IGF1R: variants seen among roughly 807,000 people sequenced by gnomAD.
IGF1R encodes insulin-like growth factor 1 receptor.
In IGF1R, 44 loss-of-function variants were observed where a neutral mutation model predicts 144.6. The observed-to-expected ratio is 0.30, with a 90% CI of 0.24 to 0.39. IGF1R has a LOEUF of 0.39. IGF1R is among the 10% of genes least tolerant of loss of function. The pLI is 1.00. For missense variants in IGF1R, 1,355 were observed against 1,833.7 expected (o/e 0.74, Z 4.77); for synonymous variants, 795 against 722.8 (o/e 1.10, Z -1.60).
intron 9 of IGF1R, 55 bp downstream of exon 9, chr15:98,916,186 G>C: frequency 3.9e-6 from 6 of 1,548,012 alleles, no homozygotes; most frequent in Non-Finnish European, 5.3e-6. Context: ...TCCTGTGGTT[G>C]TAATGTGCCT....
rs576878159 is a variant in IGF1R at position 98,950,563 on chromosome 15, C to T, written c.3722+1855C>T. On this transcript the variant is annotated intron_variant, in intron 20 of 20. Transcript: ENST00000650285. ...CTTGGAGGCCAAGGCCACTCACAGT[C>T]CTTGCCATATACAGCCTCCATAGGC... 3.9e-5 allele frequency among the ~76,000 whole-genome samples: 6 copies of T among 152,352 alleles called. No individual in the cohort carries two copies. In the East Asian group the frequency reaches 1.2e-3, roughly 29 times the overall value.
chr15:98,776,228 A>G (rs2055711435), intron 2 of IGF1R, among the ~76,000 whole-genome samples: 1 of 151,322 alleles, frequency 6.6e-6, no homozygotes, highest in Non-Finnish European at 1.5e-5. Context: ...TCTGTCGCCC[A>G]GGCTGGAGTG....
chr15:98,651,136 C>A, intron 1 of IGF1R: 1 of 874,094 alleles, frequency 1.1e-6, no homozygotes, highest in Non-Finnish European at 1.4e-6. Context: ...TTGAAAAAAT[C>A]ACGACTGAGC....
intron 2 of IGF1R, among the ~76,000 whole-genome samples, chr15:98,732,343 A>C (rs984754884): frequency 3.3e-4 from 50 of 152,216 alleles, no homozygotes; most frequent in African/African-American, 1.2e-3. Context: ...ATTCAGGCAG[A>C]TGTCCTCTAA....
intron 2 of IGF1R, among the ~76,000 whole-genome samples, chr15:98,792,991 T>C (rs911002807): frequency 6.6e-6 from 1 of 152,230 alleles, no homozygotes; most frequent in Non-Finnish European, 1.5e-5. Flanking sequence ...TTGTTTTTTT[T>C]CTTCCTCCTG....
chr15:98,903,920 G>A (rs1329852888), intron 5 of IGF1R, among the ~76,000 whole-genome samples: 1 of 152,202 alleles, frequency 6.6e-6, no homozygotes, highest in Non-Finnish European at 1.5e-5. Context: ...ATGGCTGCAA[G>A]GAAGAGGTGG....
intron 1 of IGF1R, among the ~76,000 whole-genome samples, chr15:98,668,775 T>G (rs1054450239): frequency 4.7e-5 from 7 of 150,080 alleles, no homozygotes; most frequent in African/African-American, 1.7e-4. Context: ...ATGTGTGGAA[T>G]TCTATTAAAA....
chr15:98,841,420 T>G (rs1422602543), intron 2 of IGF1R, among the ~76,000 whole-genome samples: 2 of 152,154 alleles, frequency 1.3e-5, no homozygotes, highest in East Asian at 3.9e-4. Flanking sequence ...ATACGTAAAG[T>G]TTTTAGAATA....
At chr15:98,791,315 C>T (rs748132450) in intron 2 of IGF1R, among the ~76,000 whole-genome samples, 14 of 152,172 alleles carry the variant, frequency 9.2e-5, no homozygotes, top group Non-Finnish European at 1.8e-4. Flanking sequence ...CAACAACTAA[C>T]TTATTTGTAT....
chr15:98,916,723 T>C lies in IGF1R; in HGVS notation c.2048T>C (p.Val683Ala), dbSNP rs1299705486. The C allele has an allele frequency of 6.2e-7, 1 of 1,613,490 alleles. No individual in the cohort carries two copies. Among genetic ancestry groups the C allele is most frequent in the African/African-American group, 1.3e-5 (1 of 74,690 alleles). Reference protein sequence around the residue: ...YADGTIDIEEVTENPKTEVCG... With the variant: ...YADGTIDIEEATENPKTEVCG... Reference sequence around the variant, plus strand: ...GACGGCACCATCGACATTGAGGAGGTCACAGAGAACCCCAAGACTGAGGTG... The same window carrying C: ...GACGGCACCATCGACATTGAGGAGGCCACAGAGAACCCCAAGACTGAGGTG... Residue 683 changes from valine (V) to alanine (A), a missense_variant, in exon 10 of 21, where the codon GTC becomes GCC. Around this residue, in one of 7 missense-constraint regions of IGF1R, gnomAD observed 880 missense variants for 1,202.7 expected, o/e 0.73. Coordinates refer to ENST00000650285, the MANE Select transcript of IGF1R (RefSeq NM_000875.5).
chr15:98,724,333 G>C (rs1305398450), intron 2 of IGF1R, among the ~76,000 whole-genome samples: 1 of 152,144 alleles, frequency 6.6e-6, no homozygotes, highest in East Asian at 1.9e-4. Flanking sequence ...TTCATGGAGG[G>C]GAGAGGTTGT....
intron 2 of IGF1R, among the ~76,000 whole-genome samples, chr15:98,837,381 A>G (rs1179838351): frequency 6.6e-6 from 1 of 152,162 alleles, no homozygotes; most frequent in Non-Finnish European, 1.5e-5. Flanking sequence ...AGCTGGGATT[A>G]CAGGCAGGCA....
chr15:98,885,511 G>A (rs1447483746), intron 2 of IGF1R, among the ~76,000 whole-genome samples: 1 of 152,154 alleles, frequency 6.6e-6, no homozygotes, highest in Non-Finnish European at 1.5e-5. Context: ...TTTGGAGGTT[G>A]AAGCTCACTT....
intron 7 of IGF1R, among the ~76,000 whole-genome samples, chr15:98,912,542 A>T (rs1596440811): frequency 6.6e-6 from 1 of 152,236 alleles, no homozygotes; most frequent in Admixed American, 6.5e-5. Context: ...TGAGGACTTG[A>T]TGCTGGTTTC....
chr15:98,796,211 C>T (rs563897802), intron 2 of IGF1R, among the ~76,000 whole-genome samples: 60 of 151,542 alleles, frequency 4.0e-4, no homozygotes, highest in Middle Eastern at 3.4e-3. Flanking sequence ...CATGTGCTGG[C>T]GTTAGTAGTA....
At position 98,959,468 on chromosome 15, in the gene IGF1R, G is replaced by A. The variant is rs890876903; in HGVS notation, c.*2026G>A. On this transcript the variant is annotated 3_prime_UTR_variant, in exon 21 of 21. Coordinates refer to ENST00000650285, the MANE Select transcript of IGF1R (RefSeq NM_000875.5). The stretch of plus-strand genomic sequence containing the variant: ...TGAGTGGGACCCCGGGATCCAGGCT[G>A]GCCCAGGGCGGCACCCTCAGGGCTG... The A allele has an allele frequency of 3.9e-5, 9 of 233,622 alleles. No individual in the cohort carries two copies. Among genetic ancestry groups the A allele is most frequent in the Admixed American group, 2.2e-4 (4 of 17,788 alleles). 14.5% of individuals were successfully genotyped at this position (233,622 alleles called of 1,614,324 possible).
chr15:98,821,625 G>A (rs1596331596), intron 2 of IGF1R, among the ~76,000 whole-genome samples: 2 of 152,346 alleles, frequency 1.3e-5, no homozygotes, highest in East Asian at 3.9e-4. Flanking sequence ...CTCTTCCATA[G>A]ATGATGAAAC....
At chr15:98,836,966 C>T (rs575276074) in intron 2 of IGF1R, among the ~76,000 whole-genome samples, 4 of 152,360 alleles carry the variant, frequency 2.6e-5, no homozygotes, top group African/African-American at 9.6e-5. Context: ...TAGCCTTGAA[C>T]ACTTGATTGA....
At position 98,961,786 on chromosome 15, in the gene IGF1R, G is replaced by A. The variant is rs991028505; in HGVS notation, c.*4344G>A. 4.3e-6 allele frequency: 1 copy of A among 233,318 alleles called. No individual in the cohort carries two copies. The highest frequency in any genetic ancestry group is 1.8e-4 in the South Asian group (1 of 5,530). 14.5% of individuals were successfully genotyped at this position (233,318 alleles called of 1,614,324 possible). On this transcript the variant is annotated 3_prime_UTR_variant, in exon 21 of 21. Coordinates refer to ENST00000650285, the MANE Select transcript of IGF1R (RefSeq NM_000875.5). ...GGTCTCCTTCGTGGGATGTCATGAC[G>A]TTTGACATACCTTTGGAACGAGCCT...
Sources: allele counts gnomAD v4.1 joint callset (sites outside exome capture counted in the v4.1 genomes callset), GRCh38; gene constraint gnomAD v4.1.1; regional missense constraint gnomAD v4.1.1; transcripts MANE v1.5; gene names NCBI Gene and HGNC (gene_info 2026-07-23, HGNC 2026-07-21).